Variants in PARL observed in about 807,000 individuals in gnomAD.
The protein encoded by PARL is presenilin-associated rhomboid-like protein, mitochondrial.
Under a neutral mutation model 51.6 loss-of-function variants are expected in PARL, and 44 were observed. That is an observed-to-expected ratio of 0.85 (90% confidence interval 0.67 to 1.10). The LOEUF (loss-of-function observed/expected upper bound fraction) is 1.10, where lower values mean the gene tolerates loss of function less well. Ranked by LOEUF, PARL falls within the 50% of genes least tolerant of loss-of-function variation. The probability of loss-of-function intolerance (pLI) is 0.00; values close to 1 mark genes in which losing one functional copy is unlikely to be tolerated. For synonymous variants in PARL, 172 were observed against 164.0 expected, an observed-to-expected ratio of 1.05 and a Z score of -0.37; for missense variants, 441 against 469.5, an observed-to-expected ratio of 0.94 and a Z score of 0.56.
At position 183,881,422 on chromosome 3, in the gene PARL, T is replaced by A. The variant is rs1377125286; in HGVS notation, c.125+3300A>T. ...CAGGCGTGAGCCACTATGCCCAGCC[T>A]GTGCATTGTTTTTAAGAGTGCAACG... On this transcript the variant is annotated intron_variant, in intron 1 of 9. Coordinates refer to ENST00000317096, the MANE Select transcript of PARL (RefSeq NM_018622.7). Among the ~76,000 whole-genome samples, 13 of 152,246 alleles carry A rather than the reference T, an allele frequency of 8.5e-5. 1 individual carries two copies. The highest frequency in any genetic ancestry group is 8.5e-4 in the Admixed American group (13 of 15,284).
chr3:183,856,878 C>T (rs923752511), intron 4 of PARL, among the ~76,000 whole-genome samples: 2 of 152,172 alleles, frequency 1.3e-5, no homozygotes, highest in Admixed American at 6.5e-5. Context: ...AATGTATATT[C>T]TTTGACCCAG....
At chr3:183,884,659 G>A in intron 1 of PARL, 63 bp downstream of exon 1, 2 of 1,530,938 alleles carry the variant, frequency 1.3e-6, no homozygotes, top group Non-Finnish European at 1.8e-6. Context: ...CTCCGCCCCC[G>A]AGGATACACG....
intron 4 of PARL, among the ~76,000 whole-genome samples, chr3:183,851,880 C>G (rs1164056015): frequency 6.6e-6 from 1 of 152,136 alleles, no homozygotes; most frequent in Admixed American, 6.5e-5. Flanking sequence ...GGAAAATAGG[C>G]CAGGCATGGT....
chr3:183,872,778 T>C (rs1733362763), intron 1 of PARL, among the ~76,000 whole-genome samples: 1 of 152,144 alleles, frequency 6.6e-6, no homozygotes, highest in Admixed American at 6.6e-5. Flanking sequence ...GCTTACCTGA[T>C]AAAAATGGAC....
At chr3:183,861,244 G>A (rs1329937426) in intron 4 of PARL, 1 of 978,986 alleles carries the variant, frequency 1.0e-6, no homozygotes, top group Non-Finnish European at 1.2e-6. Flanking sequence ...TATGGTCTTA[G>A]TTATGGCAAC....
At chr3:183,849,650 G>A (rs1001824027) in intron 4 of PARL, among the ~76,000 whole-genome samples, 8 of 151,588 alleles carry the variant, frequency 5.3e-5, no homozygotes, top group Non-Finnish European at 5.9e-5. Flanking sequence ...AAGAACATAC[G>A]TAAATGAATA....
At chr3:183,853,337 T>C (rs935753354) in intron 4 of PARL, among the ~76,000 whole-genome samples, 1 of 151,992 alleles carries the variant, frequency 6.6e-6, no homozygotes, top group African/African-American at 2.4e-5. Flanking sequence ...CTGAGGTAGG[T>C]GGATCATTTG....
chr3:183,881,889 T>C (rs1473163090), intron 1 of PARL, among the ~76,000 whole-genome samples: 1 of 152,094 alleles, frequency 6.6e-6, no homozygotes, highest in Non-Finnish European at 1.5e-5. Context: ...GATTGACTAA[T>C]ATGTCAAGTA....
rs1299531761 is a variant in PARL, at chr3:183,866,628, C to T, written c.459G>A (p.Lys153=). The T allele has an allele frequency of 5.6e-6, 9 of 1,611,204 alleles. No individual in the cohort carries two copies. The highest frequency in any genetic ancestry group is 7.6e-6 in the Non-Finnish European group (9 of 1,179,286). The change falls in exon 3 of 10, where the codon AAG becomes AAA. Residue 153 remains lysine, a synonymous_variant. Coordinates refer to ENST00000317096, the MANE Select transcript of PARL (RefSeq NM_018622.7). ...AGAAAGCAGTGTTTATCTTTACCTC[C>T]TTTCTGAAGTCTCCTTCTTTTTGTG... ...IRPQKEGDFR[K]EINKWWNNLS... is the part of the protein sequence containing the mutation.
At chr3:183,843,512 C>T (rs1334143212) in intron 5 of PARL, among the ~76,000 whole-genome samples, 1 of 151,890 alleles carries the variant, frequency 6.6e-6, no homozygotes, top group African/African-American at 2.4e-5. Context: ...AAGACCCTGT[C>T]TCAAAAAATA....
chr3:183,867,681 C>T (rs1732681443), intron 2 of PARL, among the ~76,000 whole-genome samples, 184 bp downstream of exon 2: 1 of 146,522 alleles, frequency 6.8e-6, no homozygotes, highest in Non-Finnish European at 1.5e-5. Context: ...ACCTGGGCGA[C>T]AGAGTGAGAC....
chr3:183,833,738 A>T lies in PARL; in HGVS notation c.916T>A (p.Phe306Ile), dbSNP rs1397747056. The change falls in exon 8 of 10, where the codon TTC (phenylalanine) becomes ATC (isoleucine). Residue 306 changes from phenylalanine to isoleucine, a missense_variant. By Grantham distance (21) the Phe-to-Ile change is conservative (BLOSUM62 0). Coordinates refer to ENST00000317096, the MANE Select transcript of PARL (RefSeq NM_018622.7). ...AAAATACTTACATTCCCTGCTGTGA[A>T]CGTGAACATCGGAAGGAAAATAATG... ...LAIIFLPMFT[F>I]TAGNALKAII... 13 of 1,607,748 alleles carry T rather than the reference A, an allele frequency of 8.1e-6. No homozygotes were observed. Among genetic ancestry groups the T allele is most frequent in the Non-Finnish European group, 1.1e-5 (13 of 1,174,250 alleles).
intron 1 of PARL, among the ~76,000 whole-genome samples, chr3:183,882,197 A>G (rs1734510348): frequency 9.5e-6 from 1 of 104,994 alleles, no homozygotes; most frequent in Non-Finnish European, 1.9e-5. Context: ...GAGCAAGACA[A>G]TGTCTCTAAA....
At chr3:183,881,614 G>A (rs868033446) in intron 1 of PARL, among the ~76,000 whole-genome samples, 16 of 152,132 alleles carry the variant, frequency 1.1e-4, no homozygotes, top group African/African-American at 3.9e-4. Flanking sequence ...AATAGAGCCC[G>A]AGGCATGGTA....
chr3:183,868,130 C>G, intron 1 of PARL, 70 bp from the exon 2 acceptor site: 1 of 1,137,410 alleles, frequency 8.8e-7, no homozygotes, highest in Non-Finnish European at 1.3e-6. Flanking sequence ...TGAACCTCCA[C>G]TTGGCCTGCA....
At position 183,877,183 on chromosome 3, in the gene PARL, C is replaced by T. The variant is rs936567277; in HGVS notation, c.125+7539G>A. Among the ~76,000 whole-genome samples the T allele has an allele frequency of 3.3e-5, 5 of 152,172 alleles. No homozygotes were observed. The East Asian group carries it at 7.7e-4, about 23-fold the overall frequency. ...GAGCCAAGATCGTGCCATTGCACTT[C>T]AGTCTGGGTGACAGGAGTGAAACTC... On this transcript the variant is annotated intron_variant, in intron 1 of 9. Coordinates refer to ENST00000317096, the MANE Select transcript of PARL (RefSeq NM_018622.7).
chr3:183,831,110 G>A (rs1228022313), intron 9 of PARL, among the ~76,000 whole-genome samples: 1 of 152,084 alleles, frequency 6.6e-6, no homozygotes, highest in Non-Finnish European at 1.5e-5. Context: ...CAAGTAGCTG[G>A]TATTACAGGC....
At position 183,875,276 on chromosome 3, in the gene PARL, G is replaced by A. The variant is rs1003294337; in HGVS notation, c.126-7216C>T. ...CTAAAAATACAAGAATTACCTGGGC[G>A]TGGTGGCGGGCGACTGTAATCCCAG... On this transcript the variant is annotated intron_variant, in intron 1 of 9. Coordinates refer to ENST00000317096, the MANE Select transcript of PARL (RefSeq NM_018622.7). Among the ~76,000 whole-genome samples the A allele has an allele frequency of 3.3e-5, 5 of 151,884 alleles. 1 individual carries two copies. Among genetic ancestry groups the A allele is most frequent in the South Asian group, 4.2e-4 (2 of 4,818 alleles).
intron 3 of PARL, among the ~76,000 whole-genome samples, chr3:183,863,557 C>T (rs962297652): frequency 3.8e-4 from 58 of 151,942 alleles, no homozygotes; most frequent in African/African-American, 1.4e-3. Context: ...AAGAAAAAAT[C>T]CAAGGTAAAA....
Sources: allele counts gnomAD v4.1 joint callset (sites outside exome capture counted in the v4.1 genomes callset), GRCh38; gene constraint gnomAD v4.1.1; transcripts MANE v1.5; gene names NCBI Gene and HGNC (gene_info 2026-07-23, HGNC 2026-07-21).